The following RAB26 variants were observed in gnomAD, a reference collection of about 807,000 sequenced individuals.
RAB26 encodes ras-related protein Rab-26.
A neutral mutation model predicts 33.1 loss-of-function variants in RAB26; 39 were observed. That is an observed-to-expected ratio of 1.18 (90% confidence interval 0.91 to 1.54). The LOEUF (loss-of-function observed/expected upper bound fraction) is 1.54, where lower values mean the gene tolerates loss of function less well. RAB26 is among the 40% of genes most tolerant of loss of function. RAB26 has a pLI of 0.00. For synonymous variants in RAB26, 192 were observed against 151.9 expected (o/e 1.26, Z -1.94); for missense variants, 468 against 362.9 (o/e 1.29, Z -2.35).
In RAB26 at chr16:2,148,630, A is replaced by G; in HGVS notation, c.-154A>G. On this transcript the variant is annotated 5_prime_UTR_variant, in exon 1 of 9. Coordinates refer to ENST00000210187, the MANE Select transcript of RAB26 (RefSeq NM_014353.5). ...CGTGGAGCGGCGGGGGCGGGGCGCG[A>G]GCCGGGCGCCCGGGATGATGCCGCC... 1 of 377,412 alleles carries G rather than the reference A, an allele frequency of 2.6e-6. No homozygotes were observed. Among genetic ancestry groups the G allele is most frequent in the Non-Finnish European group, 3.5e-6 (1 of 282,134 alleles). 23.4% of individuals were successfully genotyped at this position (377,412 alleles called of 1,614,324 possible). A position where few individuals can be genotyped will look rare whatever the true frequency, so the allele number is the denominator to read the frequency against.
At chr16:2,151,793 C>G (rs373363539) in intron 4 of RAB26, 32 bp downstream of exon 4, 1 of 1,613,730 alleles carries the variant, frequency 6.2e-7, no homozygotes, top group African/African-American at 1.3e-5. Flanking sequence ...CTGGTTGGGG[C>G]GGGGGTCTGA....
chr16:2,150,126 A>G (rs776651212), intron 2 of RAB26, 75 bp downstream of exon 2: 12 of 1,353,372 alleles, frequency 8.9e-6, no homozygotes, highest in Non-Finnish European at 1.2e-5. Flanking sequence ...TCTGATCCCC[A>G]TGGTACCAAC....
At chr16:2,152,034 C>T (rs984988396) in intron 5 of RAB26, 126 bp downstream of exon 5, 1 of 1,355,596 alleles carries the variant, frequency 7.4e-7, no homozygotes, top group African/African-American at 1.5e-5. Context: ...AAATGACAGC[C>T]TTCTGGGCTG....
At chr16:2,152,764 TGGGGCATGGG>T in intron 5 of RAB26, 46 bp from the exon 6 acceptor site, 1 of 1,525,712 alleles carries the variant, frequency 6.6e-7, no homozygotes. Flanking sequence ...GCCAAAGTTC[TGGGGCATGGG>T]GCAAGCCATG....
chr16:2,149,012 G>A, intron 1 of RAB26, 34 bp downstream of exon 1: 1 of 1,265,296 alleles, frequency 7.9e-7, no homozygotes, highest in Non-Finnish European at 9.9e-7. Flanking sequence ...GGCCAGCGCA[G>A]CAGGTGGCGC....
chr16:2,150,526 TC>T (rs1567239210), intron 2 of RAB26, among the ~76,000 whole-genome samples: 2 of 126,412 alleles, frequency 1.6e-5, no homozygotes, highest in African/African-American at 5.9e-5. Flanking sequence ...CCTCAGCAAA[TC>T]TTAAATTTGC....
chr16:2,152,898 G>A lies in RAB26; in HGVS notation c.534+13G>A, dbSNP rs766504851. ...GCTGGGGAACAAGGTGGGAGGCCCG[G>A]CTGTCCTCACCTGGGCCACAGGGCA... On this transcript the variant is annotated intron_variant, in intron 6 of 8. Transcript: ENST00000210187. The A allele has an allele frequency of 6.9e-6, 11 of 1,601,796 alleles. No individual in the cohort carries two copies. Among genetic ancestry groups the A allele is most frequent in the Non-Finnish European group, 9.4e-6 (11 of 1,173,632 alleles).
chr16:2,152,305 G>C (rs1175179405), intron 5 of RAB26, among the ~76,000 whole-genome samples: 1 of 152,200 alleles, frequency 6.6e-6, no homozygotes, highest in African/African-American at 2.4e-5. Context: ...AGCTACTCAG[G>C]AGACTGAGGT....
At chr16:2,150,798 C>T (rs1280347905) in intron 2 of RAB26, among the ~76,000 whole-genome samples, 2 of 152,196 alleles carry the variant, frequency 1.3e-5, no homozygotes, top group Admixed American at 1.3e-4. Context: ...CCAGGGAAGG[C>T]GGTGTCCTCC....
At chr16:2,150,248 C>T (rs148280035) in intron 2 of RAB26, among the ~76,000 whole-genome samples, 197 bp downstream of exon 2, 176 of 152,342 alleles carry the variant, frequency 1.2e-3, no homozygotes, top group African/African-American at 4.1e-3. Flanking sequence ...CTGGCATTAC[C>T]GAGGGACCAT....
chr16:2,151,046 G>A (rs371053978), intron 2 of RAB26: 11 of 353,178 alleles, frequency 3.1e-5, no homozygotes, highest in East Asian at 7.8e-5. Flanking sequence ...TGGGATCTGC[G>A]GTTACTGCCT....
chr16:2,152,739 AGT>A, intron 5 of RAB26, 79 bp from the exon 6 acceptor site: 1 of 1,090,772 alleles, frequency 9.2e-7, no homozygotes, highest in Admixed American at 2.6e-5. Context: ...TGCCCTCTAC[AGT>A]GTGACCTGGA....
chr16:2,152,744 G>C (rs2093009787), intron 5 of RAB26, 76 bp from the exon 6 acceptor site: 1 of 982,124 alleles, frequency 1.0e-6, no homozygotes, highest in South Asian at 1.4e-5. Context: ...TCTACAGTGT[G>C]ACCTGGAGGG....
In RAB26 at chr16:2,151,666, G is replaced by A. The variant is rs200475074; in HGVS notation, c.349-29G>A. ...GACAGGGGACACCAGGGAAGGGCTG[G>A]ACAGCCTGACCAGTGCCTGTCGCTG... On this transcript the variant is annotated intron_variant, in intron 3 of 8. Transcript: ENST00000210187. The A allele has an allele frequency of 6.8e-5, 109 of 1,614,036 alleles. No homozygotes were observed. In the East Asian group the frequency reaches 2.3e-3, roughly 35 times the overall value.
chr16:2,151,794 G>T (rs200316944), intron 4 of RAB26, 33 bp downstream of exon 4: 58 of 1,613,886 alleles, frequency 3.6e-5, no homozygotes, highest in Non-Finnish European at 4.9e-5. Flanking sequence ...TGGTTGGGGC[G>T]GGGGTCTGAG....
intron 8 of RAB26, 42 bp from the exon 9 acceptor site, chr16:2,153,277 G>C (rs2093012773): frequency 6.2e-7 from 1 of 1,613,446 alleles, no homozygotes; most frequent in Non-Finnish European, 8.5e-7. Flanking sequence ...ATCCTCATTA[G>C]AGTCCAGGCC....
At position 2,153,489 on chromosome 16, in the gene RAB26, G is replaced by A; in HGVS notation, c.*68G>A. ...TAGAAGGCTGGACAGAGGGTCTCCA[G>A]GCCCTTCTGACTTTGTTGCCCAGTG... On this transcript the variant is annotated 3_prime_UTR_variant, in exon 9 of 9. Transcript: ENST00000210187. The A allele has an allele frequency of 3.4e-6, 5 of 1,477,306 alleles. No individual in the cohort carries two copies. Among genetic ancestry groups the A allele is most frequent in the Non-Finnish European group, 4.7e-6 (5 of 1,069,460 alleles). The allele number at this position is 1,477,306 out of a possible 1,614,324, so 91.5% of individuals were successfully genotyped here. A position where few individuals can be genotyped will look rare whatever the true frequency, so the allele number is the denominator to read the frequency against.
In RAB26 at chr16:2,152,845, A is replaced by C; in HGVS notation, c.494A>C (p.Tyr165Ser). The C allele has an allele frequency of 6.2e-7, 1 of 1,607,328 alleles. No homozygotes were observed. Among genetic ancestry groups the C allele is most frequent in the South Asian group, 1.1e-5 (1 of 90,372 alleles). ...GCCTGGCTGACCGAGATCCACGAGT[A>C]CGCCCAGCACGACGTGGCGCTCATG... The part of the protein sequence containing the change: ...IQAWLTEIHE[Y>S]AQHDVALMLL... Residue 165 changes from tyrosine (Y) to serine (S), a missense_variant, in exon 6 of 9, where the codon TAC (tyrosine) becomes TCC (serine). Coordinates refer to ENST00000210187, the MANE Select transcript of RAB26 (RefSeq NM_014353.5).
In RAB26 at chr16:2,152,980, C is replaced by T. The variant is rs765694897; in HGVS notation, c.535-9C>T. 1 of 1,584,646 alleles carries T rather than the reference C, an allele frequency of 6.3e-7. No homozygotes were observed. Among genetic ancestry groups the T allele is most frequent in the African/African-American group, 1.3e-5 (1 of 74,294 alleles). On this transcript the variant is annotated splice_polypyrimidine_tract_variant and intron_variant, in intron 6 of 8. Coordinates refer to ENST00000210187, the MANE Select transcript of RAB26 (RefSeq NM_014353.5). ...GCCAGCTTTCACCAAGACCCTGTGC[C>T]TGGGCCAGGTGGACTCTGCCCATGA...
Sources: gnomAD v4.1 joint callset for allele counts (sites outside exome capture counted in the v4.1 genomes callset) on GRCh38, gnomAD v4.1.1 for gene constraint, MANE v1.5 for transcripts, NCBI Gene and HGNC (gene_info 2026-07-23, HGNC 2026-07-21) for gene names.